Variants in SPECC1L observed in about 807,000 individuals in gnomAD.
The protein encoded by SPECC1L is cytospin-A.
A neutral mutation model predicts 116.8 loss-of-function variants in SPECC1L; 40 were observed. That is an observed-to-expected ratio of 0.34 (90% CI 0.27 to 0.45). SPECC1L has a LOEUF of 0.45. Ranked by LOEUF, SPECC1L falls within the 20% of genes least tolerant of loss-of-function variation. The pLI, the probability that SPECC1L is intolerant of heterozygous loss-of-function variation, is 1.00. For synonymous variants in SPECC1L, 504 were observed against 500.6 expected, an observed-to-expected ratio of 1.01 and a Z score of -0.09; for missense variants, 1,110 against 1,373.6, an observed-to-expected ratio of 0.81 and a Z score of 3.03.
chr22:24,417,275 C>T lies in SPECC1L; in HGVS notation c.*2652C>T, dbSNP rs186101064. 1.3e-4 allele frequency: 20 copies of T among 152,620 alleles called. No individual in the cohort carries two copies. Among genetic ancestry groups the T allele is most frequent in the Admixed American group, 9.1e-4 (14 of 15,302 alleles). 9.5% of individuals were successfully genotyped at this position (152,620 alleles called of 1,614,324 possible). ...ACAAGCTTGGGCTTTTCTAGCTTGCCCTCCACTCCCTGCCGTCCCTCTGAC... is the reference window on the plus strand; with the variant it reads ...ACAAGCTTGGGCTTTTCTAGCTTGCTCTCCACTCCCTGCCGTCCCTCTGAC... On this transcript the variant is annotated 3_prime_UTR_variant, in exon 17 of 17. Coordinates refer to ENST00000314328, the MANE Select transcript of SPECC1L (RefSeq NM_015330.6).
rs558079504 is a variant in SPECC1L at position 24,276,773 on chromosome 22, G to A, written c.-68G>A. 1.1e-4 allele frequency: 48 copies of A among 453,764 alleles called. No homozygotes were observed. The highest frequency in any genetic ancestry group is 7.1e-4 in the South Asian group (46 of 64,418). 28.1% of individuals were successfully genotyped at this position (453,764 alleles called of 1,614,324 possible). On this transcript the variant is annotated 5_prime_UTR_variant, in exon 2 of 17. Coordinates refer to ENST00000314328, the MANE Select transcript of SPECC1L (RefSeq NM_015330.6). Reference sequence around the variant, plus strand: ...CCATCATGAGTTCCTGAGGCAGTCCGATGGGGCTACTTTATTCCAGAACAA... The same window carrying A: ...CCATCATGAGTTCCTGAGGCAGTCCAATGGGGCTACTTTATTCCAGAACAA...
chr22:24,389,527 T>C (rs1315496500), intron 14 of SPECC1L, among the ~76,000 whole-genome samples: 1 of 151,922 alleles, frequency 6.6e-6, no homozygotes, highest in Non-Finnish European at 1.5e-5. Flanking sequence ...GGTTTTTTTT[T>C]TTTTTAGGGA....
At chr22:24,333,133 C>T (rs915823364) in intron 8 of SPECC1L, among the ~76,000 whole-genome samples, 3 of 152,118 alleles carry the variant, frequency 2.0e-5, no homozygotes, top group African/African-American at 7.2e-5. Context: ...GAGACTGAGG[C>T]AGGAGAATCA....
intron 13 of SPECC1L, among the ~76,000 whole-genome samples, chr22:24,368,056 C>G (rs1020033762): frequency 6.6e-6 from 1 of 152,200 alleles, no homozygotes; most frequent in Non-Finnish European, 1.5e-5. Flanking sequence ...CTTCCCTGCC[C>G]CTTCACCAGG....
intron 4 of SPECC1L, among the ~76,000 whole-genome samples, chr22:24,318,010 T>C (rs893920827): frequency 3.1e-4 from 42 of 137,540 alleles, no homozygotes; most frequent in South Asian, 7.1e-4. Context: ...GGATGGCGGC[T>C]GGGCAGAGAC....
chr22:24,309,537 G>C (rs2040418799), intron 3 of SPECC1L, among the ~76,000 whole-genome samples: 1 of 152,052 alleles, frequency 6.6e-6, no homozygotes, highest in Admixed American at 6.5e-5. Flanking sequence ...AGTAGCTGGG[G>C]TTACAGGCAC....
intron 14 of SPECC1L, among the ~76,000 whole-genome samples, chr22:24,371,042 A>G (rs534927646): frequency 2.0e-5 from 3 of 152,308 alleles, no homozygotes; most frequent in African/African-American, 7.2e-5. Context: ...ACTGAACCGT[A>G]TAATTAAAGA....
chr22:24,411,807 C>A, intron 15 of SPECC1L, 103 bp downstream of exon 15: 1 of 957,090 alleles, frequency 1.0e-6, no homozygotes, highest in Non-Finnish European at 1.7e-6. Context: ...ACAGCGCTGG[C>A]TTGCGATTGC....
At chr22:24,396,016 C>G (rs768128253) in intron 14 of SPECC1L, among the ~76,000 whole-genome samples, 4 of 152,148 alleles carry the variant, frequency 2.6e-5, no homozygotes, top group Admixed American at 2.0e-4. Context: ...CTCAAGTTAT[C>G]AAGTAAGGCA....
intron 14 of SPECC1L, among the ~76,000 whole-genome samples, chr22:24,379,563 G>T (rs1367960660): frequency 2.0e-5 from 3 of 152,098 alleles, no homozygotes; most frequent in Non-Finnish European, 2.9e-5. Flanking sequence ...ATAATTTGAA[G>T]TTTTTTCCAT....
chr22:24,400,655 A>T (rs1161902581), intron 14 of SPECC1L, among the ~76,000 whole-genome samples: 2 of 152,248 alleles, frequency 1.3e-5, no homozygotes, highest in African/African-American at 2.4e-5. Flanking sequence ...ACTCTTCCTC[A>T]GCAGCGGCAT....
intron 12 of SPECC1L, among the ~76,000 whole-genome samples, chr22:24,364,703 G>A (rs1360715820): frequency 1.3e-5 from 2 of 150,214 alleles, no homozygotes; most frequent in South Asian, 2.1e-4. Context: ...AGCATTGCAT[G>A]TAGCCCTGTA....
intron 2 of SPECC1L, among the ~76,000 whole-genome samples, chr22:24,295,297 A>C (rs1164700896): frequency 6.6e-6 from 1 of 150,768 alleles, no homozygotes; most frequent in Non-Finnish European, 1.5e-5. Flanking sequence ...AGATATATAT[A>C]AATTAGTATG....
At chr22:24,380,592 A>G (rs1299585002) in intron 14 of SPECC1L, among the ~76,000 whole-genome samples, 4 of 152,254 alleles carry the variant, frequency 2.6e-5, no homozygotes, top group African/African-American at 9.6e-5. Flanking sequence ...TTAAGCATCC[A>G]TTACAAAACA....
chr22:24,331,654 C>G (rs2040941493), intron 8 of SPECC1L, among the ~76,000 whole-genome samples: 1 of 152,060 alleles, frequency 6.6e-6, no homozygotes, highest in African/African-American at 2.4e-5. Context: ...TCCCTAAGGC[C>G]CTTTAAGGAC....
chr22:24,290,223 G>A (rs557807326), intron 2 of SPECC1L, among the ~76,000 whole-genome samples: 1 of 152,342 alleles, frequency 6.6e-6, no homozygotes, highest in South Asian at 2.1e-4. Flanking sequence ...GGTTAAAGCA[G>A]AAAGGAGCTG....
intron 14 of SPECC1L, among the ~76,000 whole-genome samples, chr22:24,389,045 T>C (rs1262176344): frequency 6.6e-6 from 1 of 152,136 alleles, no homozygotes; most frequent in African/African-American, 2.4e-5. Flanking sequence ...GCATCTTTCA[T>C]GTACCATATT....
intron 10 of SPECC1L, among the ~76,000 whole-genome samples, chr22:24,343,046 TAGAC>T (rs1320334460): frequency 3.3e-5 from 5 of 151,738 alleles, no homozygotes; most frequent in East Asian, 2.0e-4. Context: ...TACAAAAAAT[TAGAC>T]AGGCATGGTG....
chr22:24,335,276 C>A (rs972425917), intron 9 of SPECC1L, among the ~76,000 whole-genome samples: 2 of 152,218 alleles, frequency 1.3e-5, no homozygotes, highest in African/African-American at 4.8e-5. Context: ...ATAAAAAGAT[C>A]TTTTCTTGTT....
Sources: gnomAD v4.1 joint callset for allele counts (sites outside exome capture counted in the v4.1 genomes callset) on GRCh38, gnomAD v4.1.1 for gene constraint, MANE v1.5 for transcripts, NCBI Gene and HGNC (gene_info 2026-07-23, HGNC 2026-07-21) for gene names.